Variants in TWIST2 observed in about 807,000 individuals in gnomAD.
TWIST2 encodes twist family bHLH transcription factor 2, also known as twist-related protein 2.
TWIST2 carries 1 observed loss-of-function variant against 11.6 expected under a neutral mutation model. The observed-to-expected ratio is 0.09, with a 90% confidence interval of 0.03 to 0.41. The LOEUF (loss-of-function observed/expected upper bound fraction) is 0.41. Ranked by LOEUF, TWIST2 falls within the 10% of genes least tolerant of loss-of-function variation. The pLI, the probability that TWIST2 is intolerant of heterozygous loss-of-function variation, is 0.98. For missense variants in TWIST2, 168 were observed against 226.4 expected (o/e 0.74, Z 1.66); for synonymous variants, 87 against 96.6 (o/e 0.90, Z 0.58).
intron 1 of TWIST2, among the ~76,000 whole-genome samples, chr2:238,875,765 C>A (rs993712550): frequency 6.6e-6 from 1 of 152,200 alleles, no homozygotes; most frequent in Non-Finnish European, 1.5e-5. Context: ...TCGCATTTCT[C>A]CCCTGTCCCC....
intron 1 of TWIST2, among the ~76,000 whole-genome samples, chr2:238,875,513 G>A (rs1410626910): frequency 6.6e-6 from 1 of 152,190 alleles, no homozygotes; most frequent in African/African-American, 2.4e-5. Context: ...TATATCCTCT[G>A]TGGCTTTGTT....
intron 1 of TWIST2, among the ~76,000 whole-genome samples, chr2:238,858,460 G>A (rs183970300): frequency 6.6e-5 from 10 of 152,280 alleles, no homozygotes; most frequent in Admixed American, 2.6e-4. Flanking sequence ...TTGACTTTGC[G>A]AGAGGCAAGC....
chr2:238,848,249 G>A lies in TWIST2; in HGVS notation c.34G>A (p.Val12Met). 6.6e-7 allele frequency: 1 copy of A among 1,513,560 alleles called. No individual in the cohort carries two copies. Among genetic ancestry groups the A allele is most frequent in the Non-Finnish European group, 8.8e-7 (1 of 1,131,878 alleles). The allele number at this position is 1,513,560 out of a possible 1,614,324, so 93.8% of individuals were successfully genotyped here. A position where few individuals can be genotyped will look rare whatever the true frequency, so the allele number is the denominator to read the frequency against. ...GGGCTCCAGCTCGCCCGTGTCCCCCGTGGACAGCCTGGGCACCAGCGAGGA... is the reference window on the plus strand; with the variant it reads ...GGGCTCCAGCTCGCCCGTGTCCCCCATGGACAGCCTGGGCACCAGCGAGGA... ...EEGSSSPVSP[V>M]DSLGTSEEEL... Residue 12 changes from valine to methionine, a missense_variant, in exon 1 of 2, where the codon GTG becomes ATG. Physicochemically the swap from Val to Met is conservative, Grantham distance 21 (BLOSUM62 1). Coordinates refer to ENST00000612363, the MANE Select transcript of TWIST2 (RefSeq NM_001271893.4).
chr2:238,896,945 C>T (rs1054542692), intron 1 of TWIST2, among the ~76,000 whole-genome samples: 3 of 152,064 alleles, frequency 2.0e-5, no homozygotes, highest in Non-Finnish European at 2.9e-5. Flanking sequence ...AAAGTAGGCA[C>T]ACCCCAGGGG....
rs561128326 is a variant in TWIST2 at position 238,863,965 on chromosome 2, G to A, written c.*35+15232G>A. Among the ~76,000 whole-genome samples the A allele has an allele frequency of 2.0e-5, 3 of 152,152 alleles. No individual in the cohort carries two copies. The highest frequency in any genetic ancestry group is 2.1e-4 in the South Asian group (1 of 4,820). On this transcript the variant is annotated intron_variant, in intron 1 of 1. Transcript: ENST00000612363. The surrounding 1 kb of genome is among the most constrained non-coding windows in gnomAD (Gnocchi z 4.7). The stretch of plus-strand genomic sequence containing the variant: ...AACCTACAGGGAGGAAGCACCAGGC[G>A]GCACCTCCCCAGAGGCTGGAGACCA...
At chr2:238,870,140 C>CACA (rs1491347285) in intron 1 of TWIST2, among the ~76,000 whole-genome samples, 1 of 140,208 alleles carries the variant, frequency 7.1e-6, no homozygotes, top group African/African-American at 2.8e-5. Context: ...ACACACCACA[C>CACA]CCCATACACA....
chr2:238,905,926 CGTGTGCGCGT>C (rs1693341749), intron 1 of TWIST2, among the ~76,000 whole-genome samples: 139 of 103,830 alleles, frequency 1.3e-3, no homozygotes, highest in African/African-American at 2.7e-3. Context: ...TGCAGGTGTG[CGTGTGCGCGT>C]GTGTGTGCGC....
intron 1 of TWIST2, among the ~76,000 whole-genome samples, chr2:238,878,059 G>C (rs1417844207): frequency 6.6e-6 from 1 of 152,202 alleles, no homozygotes; most frequent in Non-Finnish European, 1.5e-5. Flanking sequence ...GGATTATGCG[G>C]AGCATAATTC....
chr2:238,893,518 A>C (rs1693173230), intron 1 of TWIST2, among the ~76,000 whole-genome samples: 1 of 152,130 alleles, frequency 6.6e-6, no homozygotes, highest in Non-Finnish European at 1.5e-5. Context: ...CTCTGAAAAC[A>C]GGCCCCGGAG....
At chr2:238,855,828 C>T (rs531237607) in intron 1 of TWIST2, among the ~76,000 whole-genome samples, 54 of 152,114 alleles carry the variant, frequency 3.5e-4, no homozygotes, top group African/African-American at 9.7e-4. Flanking sequence ...TAGGGGCTCC[C>T]GAAGCCTCGT....
chr2:238,893,895 G>A (rs1471806079), intron 1 of TWIST2, among the ~76,000 whole-genome samples: 1 of 152,148 alleles, frequency 6.6e-6, no homozygotes, highest in Non-Finnish European at 1.5e-5. Context: ...CCGTCCTCCT[G>A]CTAGCAGGGG....
chr2:238,899,387 T>A (rs1382441999), intron 1 of TWIST2, among the ~76,000 whole-genome samples: 2 of 152,264 alleles, frequency 1.3e-5, no homozygotes, highest in Non-Finnish European at 2.9e-5. Context: ...AGGCCAAGCC[T>A]TTCTGGTGAA....
intron 1 of TWIST2, among the ~76,000 whole-genome samples, chr2:238,853,740 G>A: frequency 6.6e-6 from 1 of 152,136 alleles, no homozygotes; most frequent in East Asian, 1.9e-4. Context: ...ATCTGAAATT[G>A]GAAAAGCCAA....
intron 1 of TWIST2, among the ~76,000 whole-genome samples, chr2:238,890,379 C>T (rs1693112237): frequency 6.6e-6 from 1 of 152,228 alleles, no homozygotes; most frequent in Non-Finnish European, 1.5e-5. Context: ...CGGCACCTCC[C>T]CATCAGATCC....
chr2:238,880,419 G>T (rs1289181772), intron 1 of TWIST2, among the ~76,000 whole-genome samples: 1 of 119,118 alleles, frequency 8.4e-6, no homozygotes, highest in African/African-American at 3.3e-5. Context: ...GTTAGTGTTG[G>T]TAATATTTAT....
intron 1 of TWIST2, among the ~76,000 whole-genome samples, chr2:238,902,224 ATGTG>A (rs1404291374): frequency 7.9e-6 from 1 of 126,736 alleles, no homozygotes. Context: ...GATGTGGAGT[ATGTG>A]TGTGTGTGAT....
rs1450648919 is a variant in TWIST2, at chr2:238,874,665, T to C, written c.*35+25932T>C. 2.0e-5 allele frequency among the ~76,000 whole-genome samples: 3 copies of C among 152,204 alleles called. No individual in the cohort carries two copies. In the East Asian group the frequency reaches 5.8e-4, roughly 29 times the overall value. ...CGTTGAAAAGGCCTGGAGGAGTTTCTCTAAAGATGCAAATCTTGGTACTTT... is the reference window on the plus strand; with the variant it reads ...CGTTGAAAAGGCCTGGAGGAGTTTCCCTAAAGATGCAAATCTTGGTACTTT... On this transcript the variant is annotated intron_variant, in intron 1 of 1. Transcript: ENST00000612363.
chr2:238,855,037 C>T (rs372143160), intron 1 of TWIST2, among the ~76,000 whole-genome samples: 28 of 152,202 alleles, frequency 1.8e-4, no homozygotes, highest in Non-Finnish European at 3.7e-4. Flanking sequence ...CCTGGACCTG[C>T]GACTTGTCCT....
At chr2:238,865,422 G>A (rs552406773) in intron 1 of TWIST2, among the ~76,000 whole-genome samples, 27 of 152,318 alleles carry the variant, frequency 1.8e-4, no homozygotes, top group African/African-American at 5.3e-4. Flanking sequence ...ACCTGTTGGC[G>A]TTCCTACACC....
Sources: gnomAD v4.1 joint callset for allele counts (sites outside exome capture counted in the v4.1 genomes callset) on GRCh38, gnomAD v4.1.1 for gene constraint, Gnocchi (gnomAD v3.1) non-coding constraint, MANE v1.5 for transcripts, NCBI Gene and HGNC (gene_info 2026-07-23, HGNC 2026-07-21) for gene names.